Variants in TMEM120B observed in about 807,000 individuals in gnomAD.
TMEM120B encodes the protein transmembrane protein 120B.
A neutral mutation model predicts 55.5 loss-of-function variants in TMEM120B; 31 were observed. That is an observed-to-expected ratio of 0.56 (90% CI 0.42 to 0.75). The LOEUF is 0.75. TMEM120B is among the 30% of genes least tolerant of loss of function. The pLI is 0.00. For synonymous variants in TMEM120B, 203 were observed against 176.3 expected (o/e 1.15, Z -1.20); for missense variants, 399 against 425.5 (o/e 0.94, Z 0.55).
At chr12:121,752,992 C>T (rs192935601) in intron 5 of TMEM120B, among the ~76,000 whole-genome samples, 1 of 152,176 alleles carries the variant, frequency 6.6e-6, no homozygotes, top group African/African-American at 2.4e-5. Context: ...CCTGTAATCT[C>T]AGCACTTTGG....
intron 1 of TMEM120B, among the ~76,000 whole-genome samples, chr12:121,742,797 C>T (rs1171688149): frequency 2.0e-5 from 3 of 152,052 alleles, no homozygotes; most frequent in African/African-American, 7.2e-5. Context: ...AGGCTGGTCT[C>T]GAACTCCTGA....
At chr12:121,760,094 G>A (rs1019243288) in intron 5 of TMEM120B, among the ~76,000 whole-genome samples, 2 of 137,156 alleles carry the variant, frequency 1.5e-5, no homozygotes, top group Non-Finnish European at 3.0e-5. Flanking sequence ...TCACGCCACC[G>A]CACTCCAGCC....
At chr12:121,758,382 G>C in intron 5 of TMEM120B, 18 of 984,980 alleles carry the variant, frequency 1.8e-5, no homozygotes, top group Non-Finnish European at 2.0e-5. Context: ...AAGCTGGATC[G>C]GCCCAGCCCC....
At chr12:121,734,113 C>G (rs943293789) in intron 1 of TMEM120B, among the ~76,000 whole-genome samples, 4 of 152,014 alleles carry the variant, frequency 2.6e-5, no homozygotes, top group Non-Finnish European at 4.4e-5. Context: ...CTGCCTGATG[C>G]TCGTGGATTC....
chr12:121,771,288 C>T (rs536414484), intron 7 of TMEM120B, among the ~76,000 whole-genome samples, 200 bp from the exon 8 acceptor site: 37 of 152,230 alleles, frequency 2.4e-4, no homozygotes, highest in African/African-American at 8.2e-4. Flanking sequence ...CGCTTCTGCA[C>T]GGCCATGTGG....
chr12:121,724,403 G>A (rs1894850962), intron 1 of TMEM120B, among the ~76,000 whole-genome samples: 1 of 151,908 alleles, frequency 6.6e-6, no homozygotes, highest in African/African-American at 2.4e-5. Context: ...CGAACTCCCG[G>A]CCTCAAGCAA....
intron 1 of TMEM120B, among the ~76,000 whole-genome samples, chr12:121,718,746 C>G (rs961647007): frequency 1.3e-5 from 2 of 152,128 alleles, no homozygotes; most frequent in African/African-American, 2.4e-5. Flanking sequence ...ACACAATGCA[C>G]TATCAGGACT....
rs1460078864 is a variant in TMEM120B, at chr12:121,781,067, A to G, written c.*5345A>G. 7 of 1,613,952 alleles carry G rather than the reference A, an allele frequency of 4.3e-6. No individual in the cohort carries two copies. Among genetic ancestry groups the G allele is most frequent in the African/African-American group, 1.3e-5 (1 of 74,946 alleles). ...GGGCCCAGATGTGGGGCCACCACCC[A>G]GGAGGCCGGCCTCACCTTGATGAGG... On this transcript the variant is annotated 3_prime_UTR_variant, in exon 12 of 12. Transcript: ENST00000449592.
chr12:121,733,870 C>A (rs982776124), intron 1 of TMEM120B, among the ~76,000 whole-genome samples: 1 of 151,754 alleles, frequency 6.6e-6, no homozygotes, highest in Admixed American at 6.6e-5. Flanking sequence ...ATCTCCAAGA[C>A]ATATTATTGA....
At chr12:121,716,185 G>T (rs1894698845) in intron 1 of TMEM120B, among the ~76,000 whole-genome samples, 2 of 151,492 alleles carry the variant, frequency 1.3e-5, no homozygotes, top group Admixed American at 1.3e-4. Flanking sequence ...GTGCATGGTT[G>T]TGGTCCCAGC....
At chr12:121,761,113 G>C (rs183019647) in intron 5 of TMEM120B, among the ~76,000 whole-genome samples, 51 of 152,104 alleles carry the variant, frequency 3.4e-4, no homozygotes, top group African/African-American at 1.2e-3. Context: ...CAAGCAGCTG[G>C]GACTACAGGT....
intron 5 of TMEM120B, among the ~76,000 whole-genome samples, chr12:121,759,629 G>A (rs1873603906): frequency 6.6e-6 from 1 of 151,588 alleles, no homozygotes. Flanking sequence ...AGTGAGCCGA[G>A]ATCCCACCAT....
At chr12:121,733,839 C>T (rs1182687906) in intron 1 of TMEM120B, among the ~76,000 whole-genome samples, 1 of 151,952 alleles carries the variant, frequency 6.6e-6, no homozygotes, top group Non-Finnish European at 1.5e-5. Flanking sequence ...CACCTGGCCC[C>T]ATATATTGTT....
At chr12:121,714,017 G>T (rs1245554247) in intron 1 of TMEM120B, among the ~76,000 whole-genome samples, 1 of 152,056 alleles carries the variant, frequency 6.6e-6, no homozygotes, top group African/African-American at 2.4e-5. Context: ...GTCTCTGATG[G>T]GTCTTTCTAG....
At position 121,776,204 on chromosome 12, in the gene TMEM120B, C is replaced by G. The variant is rs2137429948; in HGVS notation, c.*482C>G. On this transcript the variant is annotated 3_prime_UTR_variant, in exon 12 of 12. Coordinates refer to ENST00000449592, the MANE Select transcript of TMEM120B (RefSeq NM_001080825.2). ...CTCTGCTTCTGCTGTGAGCCCCCTC[C>G]TCGCCCACCCCGCCACGTGGTGAGG... is the stretch of plus-strand genomic sequence containing the variant. The G allele has an allele frequency of 6.8e-6, 2 of 292,820 alleles. No individual in the cohort carries two copies. Among genetic ancestry groups the G allele is most frequent in the South Asian group, 2.3e-4 (2 of 8,770 alleles). The allele number at this position is 292,820 out of a possible 1,614,324, so 18.1% of individuals were successfully genotyped here.
At chr12:121,753,214 G>A (rs1463575776) in intron 5 of TMEM120B, among the ~76,000 whole-genome samples, 1 of 152,150 alleles carries the variant, frequency 6.6e-6, no homozygotes, top group African/African-American at 2.4e-5. Flanking sequence ...GTCACAAAAA[G>A]ATACACAGTA....
intron 4 of TMEM120B, 23 bp downstream of exon 4, chr12:121,750,462 C>T (rs1456986448): frequency 1.9e-6 from 3 of 1,606,942 alleles, no homozygotes; most frequent in South Asian, 1.1e-5. Context: ...CACCCACCAC[C>T]CAGACCCACA....
intron 6 of TMEM120B, among the ~76,000 whole-genome samples, chr12:121,764,582 G>T (rs1873785924): frequency 6.6e-6 from 1 of 152,054 alleles, no homozygotes; most frequent in African/African-American, 2.4e-5. Context: ...AGGAGGCTGA[G>T]GTGGGAGGAT....
rs1449222487 is a variant in TMEM120B at position 121,776,271 on chromosome 12, CTCT to C, written c.*554_*556del. The C allele has an allele frequency of 1.7e-4, 30 of 177,340 alleles. 1 individual carries two copies. Among genetic ancestry groups the C allele is most frequent in the Admixed American group, 1.3e-3 (20 of 15,642 alleles). 11.0% of individuals were successfully genotyped at this position (177,340 alleles called of 1,614,324 possible). A position where few individuals can be genotyped will look rare whatever the true frequency, so the allele number is the denominator to read the frequency against. On this transcript the variant is annotated 3_prime_UTR_variant, in exon 12 of 12. Coordinates refer to ENST00000449592, the MANE Select transcript of TMEM120B (RefSeq NM_001080825.2). The stretch of plus-strand genomic sequence containing the variant: ...AGAGACCCACCGCGTCTGCCTCGTG[CTCT>C]TCTTGCCCCTGGAGCGCTGGGGGCA...
Sources: allele counts gnomAD v4.1 joint callset (sites outside exome capture counted in the v4.1 genomes callset), GRCh38; gene constraint gnomAD v4.1.1; transcripts MANE v1.5; gene names NCBI Gene and HGNC (gene_info 2026-07-23, HGNC 2026-07-21).